ATP2B2: variants seen among roughly 807,000 people sequenced by gnomAD.
ATP2B2 encodes the protein plasma membrane calcium-transporting ATPase 2.
Under a neutral mutation model 120.0 loss-of-function variants are expected in ATP2B2, and 15 were observed. The observed-to-expected ratio is 0.12, with a 90% CI of 0.08 to 0.19. The LOEUF is 0.19. Among genes scored for constraint, ATP2B2 ranks in the 10% least tolerant of loss-of-function variants. The pLI is 1.00. For missense variants in ATP2B2, 1,045 were observed against 1,719.8 expected (o/e 0.61, Z 6.94); for synonymous variants, 694 against 700.3 (o/e 0.99, Z 0.14).
chr3:10,526,653 C>T (rs892129591), intron 3 of ATP2B2, among the ~76,000 whole-genome samples: 1 of 152,148 alleles, frequency 6.6e-6, no homozygotes. Flanking sequence ...CGGGAGCTGT[C>T]TGTGATGAGT....
intron 2 of ATP2B2, among the ~76,000 whole-genome samples, chr3:10,539,466 C>T (rs1467370960): frequency 6.6e-6 from 1 of 152,192 alleles, no homozygotes. Context: ...TACCTGACTT[C>T]AAACTATACT....
intron 1 of ATP2B2, among the ~76,000 whole-genome samples, chr3:10,662,706 C>A (rs1037188343): frequency 6.6e-6 from 1 of 151,746 alleles, no homozygotes; most frequent in Non-Finnish European, 1.5e-5. Flanking sequence ...GATCTAGAAC[C>A]AGAAATACCA....
chr3:10,602,910 C>A (rs1279588283), intron 2 of ATP2B2, among the ~76,000 whole-genome samples: 1 of 152,208 alleles, frequency 6.6e-6, no homozygotes, highest in Non-Finnish European at 1.5e-5. Context: ...ACTTTTGGGG[C>A]TGTTTCATTT....
intron 2 of ATP2B2, among the ~76,000 whole-genome samples, chr3:10,428,814 G>A (rs905179498): frequency 5.3e-5 from 8 of 152,252 alleles, no homozygotes; most frequent in Non-Finnish European, 8.8e-5. Flanking sequence ...AGGTGTCACA[G>A]AGGCCTTCGC....
intron 22 of ATP2B2, among the ~76,000 whole-genome samples, chr3:10,334,440 T>C (rs2060062950): frequency 6.6e-6 from 1 of 152,138 alleles, no homozygotes; most frequent in Admixed American, 6.5e-5. Context: ...AGAAAGGAGC[T>C]GGGAGGTCAG....
intron 1 of ATP2B2, among the ~76,000 whole-genome samples, chr3:10,632,832 C>A (rs1164519978): frequency 2.0e-5 from 3 of 152,202 alleles, no homozygotes; most frequent in Non-Finnish European, 4.4e-5. Flanking sequence ...TGGTGACAGC[C>A]CCGGAATAGT....
At chr3:10,593,440 ACTGT>A (rs1483054418) in intron 2 of ATP2B2, among the ~76,000 whole-genome samples, 2 of 152,226 alleles carry the variant, frequency 1.3e-5, no homozygotes, top group African/African-American at 4.8e-5. Context: ...CTGAGAGTTG[ACTGT>A]CTGTGCAGAA....
At chr3:10,384,072 G>A (rs2061604732) in intron 8 of ATP2B2, among the ~76,000 whole-genome samples, 1 of 152,164 alleles carries the variant, frequency 6.6e-6, no homozygotes, top group Non-Finnish European at 1.5e-5. Context: ...CTGAAATAGA[G>A]CCATACCAGA....
At chr3:10,517,946 G>A (rs994633225) in intron 3 of ATP2B2, among the ~76,000 whole-genome samples, 19 of 149,944 alleles carry the variant, frequency 1.3e-4, no homozygotes, top group African/African-American at 3.9e-4. Context: ...ACAGACGGGG[G>A]ATTGGGCAGC....
At chr3:10,441,056 G>A (rs2063647478) in intron 2 of ATP2B2, among the ~76,000 whole-genome samples, 1 of 152,228 alleles carries the variant, frequency 6.6e-6, no homozygotes, top group African/African-American at 2.4e-5. Context: ...GACTGGGACA[G>A]TCTTAAGGCG....
At chr3:10,582,573 T>C (rs1041526489) in intron 2 of ATP2B2, among the ~76,000 whole-genome samples, 1 of 152,130 alleles carries the variant, frequency 6.6e-6, no homozygotes, top group Non-Finnish European at 1.5e-5. Context: ...GCACGTGTGG[T>C]TGGGGCAGAA....
intron 1 of ATP2B2, among the ~76,000 whole-genome samples, chr3:10,455,546 A>T (rs1426745684): frequency 6.6e-6 from 1 of 152,212 alleles, no homozygotes; most frequent in African/African-American, 2.4e-5. Flanking sequence ...GCAGAAAATG[A>T]AACACTGGCT....
At chr3:10,656,277 T>C (rs2070625621) in intron 1 of ATP2B2, among the ~76,000 whole-genome samples, 1 of 152,152 alleles carries the variant, frequency 6.6e-6, no homozygotes, top group Admixed American at 6.5e-5. Flanking sequence ...ATTTCTCTTT[T>C]GTACCCCTTA....
chr3:10,491,535 C>T (rs974182073), intron 1 of ATP2B2, among the ~76,000 whole-genome samples: 3 of 152,136 alleles, frequency 2.0e-5, no homozygotes, highest in African/African-American at 7.2e-5. Flanking sequence ...CTGGCTCTTT[C>T]ACTCCTTAAT....
intron 1 of ATP2B2, among the ~76,000 whole-genome samples, chr3:10,473,561 G>A (rs9877737): frequency 0.081 from 12,405 of 152,252 alleles, 825 homozygotes; most frequent in African/African-American, 0.18. Flanking sequence ...GAACCCAGGA[G>A]GCAAGTTGGC....
At chr3:10,484,350 T>A (rs1319436980) in intron 1 of ATP2B2, among the ~76,000 whole-genome samples, 1 of 152,052 alleles carries the variant, frequency 6.6e-6, no homozygotes, top group Non-Finnish European at 1.5e-5. Context: ...GCCTCTCCCG[T>A]GGGCACAGGC....
In ATP2B2 at chr3:10,483,781, A is replaced by G. The variant is rs1351671305; in HGVS notation, c.-320+21684T>C. On this transcript the variant is annotated intron_variant, in intron 1 of 22. Coordinates refer to ENST00000360273, the MANE Select transcript of ATP2B2 (RefSeq NM_001001331.4). ...CTGGCCTCCAAACGCCTTCCGGAAA[A>G]AACTTCCAAAAAGAAACTGTGGGAC... Among the ~76,000 whole-genome samples the G allele has an allele frequency of 2.6e-5, 4 of 152,186 alleles. No individual in the cohort carries two copies. The East Asian group carries it at 7.7e-4, about 29-fold the overall frequency.
At chr3:10,385,242 C>A in intron 8 of ATP2B2, 26 bp downstream of exon 8, 1 of 1,611,726 alleles carries the variant, frequency 6.2e-7, no homozygotes. Context: ...CCAACCATGA[C>A]CAGGAGCTCG....
intron 1 of ATP2B2, among the ~76,000 whole-genome samples, chr3:10,666,702 A>G (rs1004559548): frequency 1.3e-5 from 2 of 152,250 alleles, no homozygotes; most frequent in African/African-American, 4.8e-5. Context: ...GGATGAATGA[A>G]GGAGGCTCAG....
Sources: gnomAD v4.1 joint callset for allele counts (sites outside exome capture counted in the v4.1 genomes callset) on GRCh38, gnomAD v4.1.1 for gene constraint, MANE v1.5 for transcripts, NCBI Gene and HGNC (gene_info 2026-07-23, HGNC 2026-07-21) for gene names.